UNC5D: variants seen among roughly 807,000 people sequenced by gnomAD.
UNC5D encodes the protein unc-5 netrin receptor D.
In UNC5D, 39 loss-of-function variants were observed where a neutral mutation model predicts 105.4. The ratio of observed to expected loss-of-function variants is 0.37; its 90% CI spans 0.29 to 0.48. The LOEUF is 0.48. Among genes scored for constraint, UNC5D ranks in the 20% least tolerant of loss-of-function variants. The probability of loss-of-function intolerance (pLI) is 0.98; values close to 1 mark genes in which losing one functional copy is unlikely to be tolerated. For synonymous variants in UNC5D, 452 were observed against 450.4 expected (o/e 1.00, Z -0.04); for missense variants, 991 against 1,202.4 (o/e 0.82, Z 2.60).
chr8:35,334,855 G>A (rs192435018), intron 1 of UNC5D, among the ~76,000 whole-genome samples: 26 of 152,160 alleles, frequency 1.7e-4, no homozygotes, highest in Non-Finnish European at 2.8e-4. Context: ...GATGAATTTT[G>A]ACTGATATTG....
Position 35,712,144 on chromosome 8 carries a change from G to T in UNC5D, c.1117+6183G>T, listed in dbSNP as rs556430209. The stretch of plus-strand genomic sequence containing the variant: ...AAATTAGCCAGGTGTGGTGGCAAGT[G>T]CCTGCTGTCCCAGCTACTCGGGAGG... On this transcript the variant is annotated intron_variant, in intron 8 of 16. Transcript: ENST00000404895. 2.6e-5 allele frequency among the ~76,000 whole-genome samples: 4 copies of T among 152,226 alleles called. No individual in the cohort carries two copies. The East Asian group carries it at 7.7e-4, about 29-fold the overall frequency.
chr8:35,600,682 G>T (rs375715718), intron 4 of UNC5D, among the ~76,000 whole-genome samples: 2 of 152,108 alleles, frequency 1.3e-5, no homozygotes, highest in African/African-American at 4.8e-5. Flanking sequence ...TGAGTTCATT[G>T]TAGATTCTGG....
At chr8:35,511,103 T>C (rs1176948790) in intron 1 of UNC5D, among the ~76,000 whole-genome samples, 1 of 152,150 alleles carries the variant, frequency 6.6e-6, no homozygotes, top group African/African-American at 2.4e-5. Flanking sequence ...CAAAAGAGAT[T>C]TCTAGATTAT....
At chr8:35,383,979 G>T (rs1019336360) in intron 1 of UNC5D, among the ~76,000 whole-genome samples, 8 of 152,082 alleles carry the variant, frequency 5.3e-5, no homozygotes, top group African/African-American at 1.9e-4. Context: ...CACTTTGGGG[G>T]CCCAGGTGGG....
chr8:35,387,362 C>CAA lies in UNC5D; in HGVS notation c.103+151487_103+151488dup, dbSNP rs745672033. 1.5e-4 allele frequency among the ~76,000 whole-genome samples: 17 copies of CAA among 114,096 alleles called. 1 individual carries two copies. Among genetic ancestry groups the CAA allele is most frequent in the East Asian group, 4.9e-4 (2 of 4,066 alleles). The allele number at this position is 114,096 out of a possible 152,430, so 74.9% of individuals were successfully genotyped here. On this transcript the variant is annotated intron_variant, in intron 1 of 16. Transcript: ENST00000404895. ...TGGGCGACACAGCGAGACTCCATCT[C>CAA]AAAAAAAAAAAAAGAGAAACGCAGA...
At chr8:35,321,067 G>T (rs926588599) in intron 1 of UNC5D, among the ~76,000 whole-genome samples, 2 of 151,960 alleles carry the variant, frequency 1.3e-5, no homozygotes, top group African/African-American at 4.8e-5. Flanking sequence ...CTCAACCTTG[G>T]CTCCAATAAC....
intron 3 of UNC5D, among the ~76,000 whole-genome samples, chr8:35,580,405 C>G (rs1818402759): frequency 6.6e-6 from 1 of 152,036 alleles, no homozygotes; most frequent in Non-Finnish European, 1.5e-5. Context: ...TACACAATCT[C>G]TACCTTAGTC....
intron 1 of UNC5D, among the ~76,000 whole-genome samples, chr8:35,342,440 G>T (rs967224302): frequency 6.6e-6 from 1 of 152,102 alleles, no homozygotes; most frequent in African/African-American, 2.4e-5. Flanking sequence ...GATTCATCAG[G>T]TAACTTGTTG....
chr8:35,778,142 G>T (rs1037465981), intron 16 of UNC5D, among the ~76,000 whole-genome samples: 3 of 152,264 alleles, frequency 2.0e-5, no homozygotes, highest in African/African-American at 7.2e-5. Context: ...TCTGAATAAG[G>T]ATGTTTTTAT....
At chr8:35,277,064 A>C (rs766197767) in intron 1 of UNC5D, among the ~76,000 whole-genome samples, 5 of 152,240 alleles carry the variant, frequency 3.3e-5, no homozygotes, top group African/African-American at 4.8e-5. Context: ...CATATAGCTT[A>C]GAAGTTATAT....
At chr8:35,236,299 G>C (rs1585383511) in intron 1 of UNC5D, among the ~76,000 whole-genome samples, 1 of 152,236 alleles carries the variant, frequency 6.6e-6, no homozygotes, top group African/African-American at 2.4e-5. Context: ...AGAGGGGCCA[G>C]GTGATGGGAG....
At chr8:35,380,042 TCTC>T (rs1163361187) in intron 1 of UNC5D, among the ~76,000 whole-genome samples, 1 of 125,770 alleles carries the variant, frequency 8.0e-6, no homozygotes, top group Non-Finnish European at 1.6e-5. Context: ...TATTCTGAGA[TCTC>T]CTCTCTTGGC....
chr8:35,723,680 T>A (rs4739424), intron 9 of UNC5D, among the ~76,000 whole-genome samples: 8,226 of 152,174 alleles, frequency 0.054, 464 homozygotes, highest in African/African-American at 0.12. Context: ...GCTGGGATTA[T>A]AGGAATGAGC....
chr8:35,425,036 G>T (rs1003409472), intron 1 of UNC5D, among the ~76,000 whole-genome samples: 1 of 152,096 alleles, frequency 6.6e-6, no homozygotes, highest in Non-Finnish European at 1.5e-5. Context: ...ATTCCCACGT[G>T]GGGTGGGGGA....
At chr8:35,751,459 G>T (rs773352778) in intron 13 of UNC5D, among the ~76,000 whole-genome samples, 17 of 152,144 alleles carry the variant, frequency 1.1e-4, no homozygotes, top group Non-Finnish European at 1.3e-4. Context: ...GATTTGTTTT[G>T]GGAAAGGGCT....
intron 11 of UNC5D, among the ~76,000 whole-genome samples, chr8:35,741,621 G>C (rs765022061): frequency 2.0e-5 from 3 of 152,148 alleles, no homozygotes; most frequent in Non-Finnish European, 4.4e-5. Context: ...TGTAGGAACA[G>C]TCCCCGTGTA....
chr8:35,251,271 A>G (rs1585416338), intron 1 of UNC5D, among the ~76,000 whole-genome samples: 1 of 152,116 alleles, frequency 6.6e-6, no homozygotes, highest in Non-Finnish European at 1.5e-5. Context: ...GCAGAAGGGG[A>G]AGAAAACATG....
intron 1 of UNC5D, among the ~76,000 whole-genome samples, chr8:35,442,381 C>A (rs1313450326): frequency 6.6e-6 from 1 of 151,848 alleles, no homozygotes; most frequent in Admixed American, 6.6e-5. Flanking sequence ...GTTCTGCTCC[C>A]AGCATGTATG....
intron 4 of UNC5D, among the ~76,000 whole-genome samples, chr8:35,635,590 G>A (rs1435782272): frequency 6.6e-6 from 1 of 152,064 alleles, no homozygotes; most frequent in Non-Finnish European, 1.5e-5. Context: ...ACTGACTGCT[G>A]GCAGTTCATT....
Sources: gnomAD v4.1 joint callset for allele counts (sites outside exome capture counted in the v4.1 genomes callset) on GRCh38, gnomAD v4.1.1 for gene constraint, MANE v1.5 for transcripts, NCBI Gene and HGNC (gene_info 2026-07-23, HGNC 2026-07-21) for gene names.